Variants in TRAIP observed in about 807,000 individuals in gnomAD.
TRAIP encodes TRAF interacting protein, also known as E3 ubiquitin-protein ligase TRAIP.
Under a neutral mutation model 65.0 loss-of-function variants are expected in TRAIP, and 37 were observed. That is an observed-to-expected ratio of 0.57 (90% CI 0.44 to 0.75). The LOEUF is 0.75. Among genes scored for constraint, TRAIP ranks in the 30% least tolerant of loss-of-function variants. The pLI, the probability that TRAIP is intolerant of heterozygous loss-of-function variation, is 0.00. For synonymous variants in TRAIP, 187 were observed against 219.1 expected (o/e 0.85, Z 1.29); for missense variants, 481 against 579.4 (o/e 0.83, Z 1.74).
chr3:49,848,071 G>C, intron 2 of TRAIP, 72 bp downstream of exon 2: 1 of 1,557,926 alleles, frequency 6.4e-7, no homozygotes, highest in Non-Finnish European at 8.8e-7. Flanking sequence ...CAGTTTCAGA[G>C]CTCTTTTCAC....
rs1223758990 is a variant in TRAIP at position 49,843,896 on chromosome 3, C to T, written c.313G>A (p.Asp105Asn). 6 of 1,611,872 alleles carry T rather than the reference C, an allele frequency of 3.7e-6. No homozygotes were observed. The highest frequency in any genetic ancestry group is 1.3e-5 in the African/African-American group (1 of 74,892). ...TCTTCCAGCGTATCCCGCAGAGTGT[C>T]GATGATGACCTGGCTGTCTCGTTTC... ...KEKRDSQVII[D>N]TLRDTLEERN... The change falls in exon 5 of 15, where the codon GAC (aspartate) becomes AAC (asparagine). Residue 105 changes from aspartate to asparagine, a missense_variant. Coordinates refer to ENST00000331456, the MANE Select transcript of TRAIP (RefSeq NM_005879.3).
At position 49,840,391 on chromosome 3, in the gene TRAIP, G is replaced by A; in HGVS notation, c.706-18C>T. 3 of 1,610,234 alleles carry A rather than the reference G, an allele frequency of 1.9e-6. No individual in the cohort carries two copies. Among genetic ancestry groups the A allele is most frequent in the Non-Finnish European group, 2.5e-6 (3 of 1,176,482 alleles). ...GTCTGCAACTATAAGAAAGTGTAGG[G>A]AATGAAAGACAAGCCAAGTGGTAGC... On this transcript the variant is annotated intron_variant, in intron 8 of 14. Coordinates refer to ENST00000331456, the MANE Select transcript of TRAIP (RefSeq NM_005879.3).
intron 1 of TRAIP, among the ~76,000 whole-genome samples, chr3:49,849,840 C>CTTT (rs1185587392): frequency 1.4e-3 from 125 of 89,852 alleles, no homozygotes; most frequent in East Asian, 2.5e-3. Context: ...CTTTTCTTTT[C>CTTT]TTTTTTTTTT....
At chr3:49,846,626 A>G (rs544214083) in intron 3 of TRAIP, among the ~76,000 whole-genome samples, 17 of 152,272 alleles carry the variant, frequency 1.1e-4, no homozygotes, top group African/African-American at 3.8e-4. Context: ...TTCTCTGATG[A>G]CTGTGTCTCA....
At position 49,848,189 on chromosome 3, in the gene TRAIP, C is replaced by T; in HGVS notation, c.110G>A (p.Trp37Ter). 6.2e-7 allele frequency: 1 copy of T among 1,614,208 alleles called. No individual in the cohort carries two copies. Among genetic ancestry groups the T allele is most frequent in the African/African-American group, 1.3e-5 (1 of 75,046 alleles). Residue 37 changes from tryptophan to a stop codon, truncating the protein, a stop_gained, in exon 2 of 15, where the codon TGG (tryptophan) becomes TAG (stop). Coordinates refer to ENST00000331456, the MANE Select transcript of TRAIP (RefSeq NM_005879.3). LOFTEE classifies it high-confidence loss of function. ...HTFHLQCLIQWFETAPSRTCP... is the reference protein window; with the variant it reads ...HTFHLQCLIQ Reference sequence around the variant, plus strand: ...GGTCCGACTTGGTGCTGTCTCAAACCACTGAATTAGGCTGGAATGAAAAGC... The same window carrying T: ...GGTCCGACTTGGTGCTGTCTCAAACTACTGAATTAGGCTGGAATGAAAAGC...
chr3:49,850,645 T>C (rs1266343878), intron 1 of TRAIP, among the ~76,000 whole-genome samples: 1 of 143,190 alleles, frequency 7.0e-6, no homozygotes, highest in Non-Finnish European at 1.5e-5. Context: ...CTGATAATAG[T>C]CTGCATTTTT....
At chr3:49,856,216 G>A (rs750486176) in intron 1 of TRAIP, 140 bp downstream of exon 1, 53 of 704,332 alleles carry the variant, frequency 7.5e-5, no homozygotes, top group Admixed American at 1.7e-4. Context: ...AGGTTGGGAA[G>A]CTCCCGTGGG....
intron 1 of TRAIP, among the ~76,000 whole-genome samples, chr3:49,854,851 G>A (rs564331981): frequency 3.3e-5 from 5 of 151,518 alleles, no homozygotes; most frequent in Non-Finnish European, 7.4e-5. Context: ...GAGTCCAGGG[G>A]TTCAAGACCA....
chr3:49,834,208 C>A (rs2352967), intron 10 of TRAIP, among the ~76,000 whole-genome samples: 1 of 151,960 alleles, frequency 6.6e-6, no homozygotes, highest in Non-Finnish European at 1.5e-5. Context: ...GCCCTTGGGG[C>A]CCATGAGAGA....
intron 8 of TRAIP, 101 bp from the exon 9 acceptor site, chr3:49,840,474 G>T: frequency 2.1e-6 from 2 of 953,752 alleles, no homozygotes; most frequent in Admixed American, 1.9e-5. Context: ...GCCCAGAAGA[G>T]ACTAGAGATA....
At chr3:49,836,570 G>A (rs796190890) in intron 10 of TRAIP, among the ~76,000 whole-genome samples, 3 of 152,056 alleles carry the variant, frequency 2.0e-5, no homozygotes, top group Admixed American at 6.6e-5. Flanking sequence ...GGTGGCTCAC[G>A]CCTGTAACCC....
chr3:49,844,282 T>C (rs2777892), intron 4 of TRAIP, among the ~76,000 whole-genome samples: 4,978 of 152,182 alleles, frequency 0.033, 299 homozygotes, highest in African/African-American at 0.11. Context: ...TCCCATCAGG[T>C]AACCCCCTCC....
At chr3:49,853,686 A>C (rs1049374417) in intron 1 of TRAIP, among the ~76,000 whole-genome samples, 2 of 151,546 alleles carry the variant, frequency 1.3e-5, no homozygotes, top group Admixed American at 6.6e-5. Context: ...TCTACTAAAA[A>C]TACAAAAAAA....
chr3:49,855,011 C>G (rs1312150002), intron 1 of TRAIP, among the ~76,000 whole-genome samples: 1 of 152,032 alleles, frequency 6.6e-6, no homozygotes, highest in African/African-American at 2.4e-5. Flanking sequence ...CTGCAGTGAG[C>G]CGAGATGGCA....
chr3:49,829,735 C>A lies in TRAIP; in HGVS notation c.1118G>T (p.Cys373Phe). The A allele has an allele frequency of 6.2e-7, 1 of 1,614,172 alleles. No individual in the cohort carries two copies. Among genetic ancestry groups the A allele is most frequent in the Non-Finnish European group, 8.5e-7 (1 of 1,180,024 alleles). ...CAGTTCCTCATCTGGCTCTCCTGCA[C>A]AGCTCTGGCCACCCAGTGAGAGCTG... ...ESQLSLGGQS[C>F]AGEPDEELVG... The change falls in exon 13 of 15, where the codon TGT becomes TTT. Residue 373 changes from cysteine to phenylalanine, a missense_variant. By Grantham distance (205) the Cys-to-Phe change is radical. Transcript: ENST00000331456.
At chr3:49,853,857 T>C (rs746894761) in intron 1 of TRAIP, among the ~76,000 whole-genome samples, 12 of 151,248 alleles carry the variant, frequency 7.9e-5, no homozygotes, top group Admixed American at 1.3e-4. Flanking sequence ...AAAAAAAAAA[T>C]TAGGCAAGAC....
chr3:49,843,706 T>A, intron 5 of TRAIP, 95 bp downstream of exon 5: 1 of 1,526,838 alleles, frequency 6.5e-7, no homozygotes, highest in African/African-American at 1.4e-5. Flanking sequence ...AGGTGATGAC[T>A]GGAGCAGAAC....
Position 49,829,731 on chromosome 3 carries a change from T to C in TRAIP, c.1122A>G (p.Ala374=). The C allele has an allele frequency of 6.2e-7, 1 of 1,614,130 alleles. No individual in the cohort carries two copies. The highest frequency in any genetic ancestry group is 8.5e-7 in the Non-Finnish European group (1 of 1,180,016). ...CAACCAGTTCCTCATCTGGCTCTCC[T>C]GCACAGCTCTGGCCACCCAGTGAGA... The part of the protein sequence containing the change: ...SQLSLGGQSC[A]GEPDEELVGA... The change falls in exon 13 of 15, where the codon GCA becomes GCG. Residue 374 remains alanine (A), a synonymous_variant. Transcript: ENST00000331456.
intron 1 of TRAIP, among the ~76,000 whole-genome samples, chr3:49,850,434 G>T (rs1286461559): frequency 1.3e-5 from 2 of 151,668 alleles, no homozygotes; most frequent in Admixed American, 6.6e-5. Flanking sequence ...GGGAGGTGGA[G>T]GTTGCAGTGA....
Sources: gnomAD v4.1 joint callset for allele counts (sites outside exome capture counted in the v4.1 genomes callset) on GRCh38, gnomAD v4.1.1 for gene constraint, MANE v1.5 for transcripts, NCBI Gene and HGNC (gene_info 2026-07-23, HGNC 2026-07-21) for gene names.